AP1B1: variants seen among roughly 807,000 people sequenced by gnomAD.
AP1B1 encodes AP-1 complex subunit beta-1.
AP1B1 carries 36 observed loss-of-function variants against 104.3 expected under a neutral mutation model. That is an observed-to-expected ratio of 0.35 (90% CI 0.26 to 0.46). The LOEUF (loss-of-function observed/expected upper bound fraction) is 0.46, where lower values mean the gene tolerates loss of function less well. AP1B1 is among the 20% of genes least tolerant of loss of function. AP1B1 has a pLI of 1.00. For missense variants in AP1B1, 901 were observed against 1,247.9 expected (o/e 0.72, Z 4.19); for synonymous variants, 504 against 517.5 (o/e 0.97, Z 0.35).
At chr22:29,363,892 C>T (rs1012871931) in intron 2 of AP1B1, among the ~76,000 whole-genome samples, 2 of 151,028 alleles carry the variant, frequency 1.3e-5, no homozygotes, top group African/African-American at 4.9e-5. Flanking sequence ...GAGATCCTGT[C>T]TCCAAAAAAA....
At chr22:29,333,766 A>G (rs2061595801) in intron 17 of AP1B1, among the ~76,000 whole-genome samples, 1 of 152,172 alleles carries the variant, frequency 6.6e-6, no homozygotes, top group Non-Finnish European at 1.5e-5. Context: ...ACTTGGGGGT[A>G]AAAATCCCAC....
At chr22:29,332,469 T>A (rs952218742) in intron 17 of AP1B1, 4 of 152,252 alleles carry the variant, frequency 2.6e-5, no homozygotes, top group African/African-American at 9.7e-5. Flanking sequence ...AGTGACAAAT[T>A]AGGAAGATCC....
intron 11 of AP1B1, among the ~76,000 whole-genome samples, chr22:29,344,514 A>ATTTTT (rs35466454): frequency 3.5e-4 from 33 of 93,798 alleles, no homozygotes; most frequent in Admixed American, 1.3e-3. Context: ...CCTGGCCAAG[A>ATTTTT]TTTTTTTTTT....
intron 5 of AP1B1, among the ~76,000 whole-genome samples, chr22:29,357,077 T>C (rs2061970883): frequency 6.6e-6 from 1 of 151,888 alleles, no homozygotes; most frequent in African/African-American, 2.4e-5. Context: ...TTGTTTTTTT[T>C]TTTTGAGATG....
chr22:29,336,766 T>C (rs2061643741), intron 16 of AP1B1, among the ~76,000 whole-genome samples: 2 of 148,276 alleles, frequency 1.3e-5, no homozygotes, highest in Non-Finnish European at 3.0e-5. Context: ...ATCGCACCAT[T>C]GCACTCCAGC....
intron 19 of AP1B1, among the ~76,000 whole-genome samples, 164 bp downstream of exon 19, chr22:29,331,285 C>A (rs1004757263): frequency 1.3e-5 from 2 of 152,118 alleles, no homozygotes; most frequent in Non-Finnish European, 1.5e-5. Context: ...CCGGGGGGGT[C>A]CTGGGTATAC....
At chr22:29,329,005 C>A in intron 22 of AP1B1, 110 bp from the exon 23 acceptor site, 1 of 1,503,284 alleles carries the variant, frequency 6.7e-7, no homozygotes, top group Admixed American at 2.1e-5. Flanking sequence ...GTGGAGTGCA[C>A]ACAGCCTGGC....
rs369485395 is a variant in AP1B1 at position 29,342,281 on chromosome 22, C to A, written c.1536+4G>T. 9.3e-6 allele frequency: 15 copies of A among 1,613,064 alleles called. No individual in the cohort carries two copies. The highest frequency in any genetic ancestry group is 1.3e-5 in the Non-Finnish European group (15 of 1,179,444). Reference sequence around the variant, plus strand: ...GGGCACAGCGGGGAGGTTGGGGCACCCACCTGAGTGGCCAAACTGAGGACC... The same window carrying A: ...GGGCACAGCGGGGAGGTTGGGGCACACACCTGAGTGGCCAAACTGAGGACC... On this transcript the variant is annotated splice_donor_region_variant and intron_variant, in intron 12 of 22. Transcript: ENST00000357586.
In AP1B1 at chr22:29,350,085, G is replaced by A. The variant is rs775607570; in HGVS notation, c.1221C>T (p.Val407=). The A allele has an allele frequency of 1.9e-6, 3 of 1,614,076 alleles. No homozygotes were observed. In the African/African-American group the frequency reaches 4.0e-5, roughly 22 times the overall value. ...DLIQTKVNYV[V]QEAIVVIKDI... is the part of the protein sequence containing the mutation. ...CCTTGATGACCACGATGGCCTCCTG[G>A]ACCACATAGTTGACCTTGGTCTGGA... Residue 407 remains valine (V), a synonymous_variant, in exon 10 of 23, where the codon GTC becomes GTT. Coordinates refer to ENST00000357586, the MANE Select transcript of AP1B1 (RefSeq NM_001127.4).
At chr22:29,339,912 G>C in intron 14 of AP1B1, 138 bp from the exon 15 acceptor site, 2 of 975,774 alleles carry the variant, frequency 2.0e-6, no homozygotes, top group Middle Eastern at 2.1e-4. Flanking sequence ...AGAGGAGTGT[G>C]GTGTGAGGTC....
intron 1 of AP1B1, among the ~76,000 whole-genome samples, chr22:29,381,350 A>G (rs1003262441): frequency 1.6e-4 from 24 of 152,092 alleles, no homozygotes; most frequent in African/African-American, 5.8e-4. Flanking sequence ...TAAATTCCCT[A>G]ATGTAAATGG....
intron 11 of AP1B1, among the ~76,000 whole-genome samples, chr22:29,344,110 CAAA>C (rs58337637): frequency 3.3e-5 from 3 of 89,720 alleles, no homozygotes; most frequent in Non-Finnish European, 4.7e-5. Context: ...GACTTTGTCT[CAAA>C]AAAAAAAAAA....
Position 29,334,358 on chromosome 22 carries a change from G to A in AP1B1, c.2216C>T (p.Thr739Ile), listed in dbSNP as rs1395587910. 1.2e-6 allele frequency: 2 copies of A among 1,611,496 alleles called. No individual in the cohort carries two copies. Among genetic ancestry groups the A allele is most frequent in the African/African-American group, 1.3e-5 (1 of 74,896 alleles). ...CATGGAGATGGAGCCCACCTGGCGGGTGAAGGTGCCTGAGATCTCCAGCCC... is the reference window on the plus strand; with the variant it reads ...CATGGAGATGGAGCCCACCTGGCGGATGAAGGTGCCTGAGATCTCCAGCCC... ...AKGLEISGTF[T>I]RQVGSISMDL... Residue 739 changes from threonine to isoleucine, a missense_variant, in exon 17 of 23, where the codon ACC (threonine) becomes ATC (isoleucine). By Grantham distance (89) the Thr-to-Ile change is moderately conservative. This residue lies in a region of AP1B1 where 424 missense variants were observed against 494.0 expected (regional missense o/e 0.86). Transcript: ENST00000357586.
chr22:29,355,682 T>A (rs2061945570), intron 6 of AP1B1, among the ~76,000 whole-genome samples: 1 of 151,542 alleles, frequency 6.6e-6, no homozygotes, highest in East Asian at 1.9e-4. Context: ...GATTGCTTGA[T>A]CCCAGGAGTT....
At chr22:29,338,943 C>T in intron 16 of AP1B1, 47 bp downstream of exon 16, 2 of 1,611,386 alleles carry the variant, frequency 1.2e-6, no homozygotes, top group Non-Finnish European at 1.7e-6. Context: ...ATGCCAGTCT[C>T]CATAACTTCT....
chr22:29,366,881 C>CAA (rs71196655), intron 2 of AP1B1, among the ~76,000 whole-genome samples: 1 of 140,414 alleles, frequency 7.1e-6, no homozygotes, highest in African/African-American at 2.6e-5. Flanking sequence ...CACACACACA[C>CAA]AACTGCTGTG....
intron 16 of AP1B1, among the ~76,000 whole-genome samples, chr22:29,337,068 G>A (rs372454902): frequency 6.6e-6 from 1 of 152,150 alleles, no homozygotes; most frequent in African/African-American, 2.4e-5. Flanking sequence ...ACGTTATGCC[G>A]CGATTCTACG....
intron 3 of AP1B1, among the ~76,000 whole-genome samples, chr22:29,361,032 C>T (rs543395886): frequency 6.5e-4 from 98 of 150,944 alleles, no homozygotes; most frequent in Admixed American, 1.9e-3. Flanking sequence ...CTGATGAGGC[C>T]GACTCGCTCT....
At chr22:29,330,207 G>A in intron 21 of AP1B1, 171 bp downstream of exon 21, 2 of 1,466,124 alleles carry the variant, frequency 1.4e-6, no homozygotes, top group South Asian at 2.7e-5. Context: ...TGGGTAACCT[G>A]ACGGGGTTGA....
Sources: gnomAD v4.1 joint callset for allele counts (sites outside exome capture counted in the v4.1 genomes callset) on GRCh38, gnomAD v4.1.1 for gene constraint, gnomAD v4.1.1 regional missense constraint, MANE v1.5 for transcripts, NCBI Gene and HGNC (gene_info 2026-07-23, HGNC 2026-07-21) for gene names.